Variants in CPED1 observed in about 807,000 individuals in gnomAD.
CPED1 encodes cadherin like and PC-esterase domain containing 1.
Under a neutral mutation model 128.2 loss-of-function variants are expected in CPED1, and 114 were observed. That is an observed-to-expected ratio of 0.89 (90% confidence interval 0.76 to 1.04). The LOEUF (loss-of-function observed/expected upper bound fraction) is 1.04, where lower values mean the gene tolerates loss of function less well. Ranked by LOEUF, CPED1 falls within the 50% of genes least tolerant of loss-of-function variation. CPED1 has a pLI of 0.00. For missense variants in CPED1, 1,211 were observed against 1,207.1 expected, an observed-to-expected ratio of 1.00 and a Z score of -0.05; for synonymous variants, 462 against 426.7, an observed-to-expected ratio of 1.08 and a Z score of -1.02.
chr7:120,998,325 A>C (rs1796444991), intron 2 of CPED1, among the ~76,000 whole-genome samples: 1 of 152,244 alleles, frequency 6.6e-6, no homozygotes, highest in Non-Finnish European at 1.5e-5. Context: ...CATTCAAATT[A>C]ATACCATTTA....
At chr7:121,003,641 T>G (rs142024524) in intron 2 of CPED1, among the ~76,000 whole-genome samples, 305 of 152,250 alleles carry the variant, frequency 2.0e-3, no homozygotes, top group African/African-American at 7.1e-3. Context: ...TGAGGTTTTG[T>G]TATGATACGT....
intron 16 of CPED1, among the ~76,000 whole-genome samples, chr7:121,162,109 T>C (rs1796424215): frequency 6.6e-6 from 1 of 152,186 alleles, no homozygotes; most frequent in Non-Finnish European, 1.5e-5. Context: ...CATAAAGTGT[T>C]GCAAACACAA....
At chr7:121,097,493 T>C (rs1294428191) in intron 5 of CPED1, among the ~76,000 whole-genome samples, 1 of 152,198 alleles carries the variant, frequency 6.6e-6, no homozygotes, top group Non-Finnish European at 1.5e-5. Flanking sequence ...GTTTTCCTCC[T>C]CTGTAGTAAG....
At chr7:121,253,054 A>T (rs917397412) in intron 18 of CPED1, among the ~76,000 whole-genome samples, 1 of 152,124 alleles carries the variant, frequency 6.6e-6, no homozygotes, top group African/African-American at 2.4e-5. Flanking sequence ...AAAGACTTGG[A>T]ACCAAGCCAA....
chr7:121,130,395 A>G (rs1795633035), intron 12 of CPED1, 101 bp downstream of exon 12: 3 of 878,824 alleles, frequency 3.4e-6, no homozygotes, highest in Non-Finnish European at 5.0e-6. Flanking sequence ...AGCAACAACA[A>G]AAAAGTGTGT....
chr7:121,119,779 T>A (rs1341169547), intron 7 of CPED1, among the ~76,000 whole-genome samples: 3 of 152,042 alleles, frequency 2.0e-5, no homozygotes, highest in Non-Finnish European at 4.4e-5. Flanking sequence ...TCTCTAGAAC[T>A]TTTTGCACAA....
intron 16 of CPED1, among the ~76,000 whole-genome samples, chr7:121,221,534 C>T (rs369617572): frequency 3.1e-5 from 4 of 128,106 alleles, no homozygotes; most frequent in Admixed American, 1.6e-4. Flanking sequence ...TTGAGGAATC[C>T]CCACACTGTC....
chr7:121,160,611 T>G (rs962133119), intron 16 of CPED1, among the ~76,000 whole-genome samples: 2 of 152,148 alleles, frequency 1.3e-5, no homozygotes, highest in Admixed American at 1.3e-4. Context: ...GGCCTTGTAC[T>G]GCCAGAAAGG....
At chr7:121,200,588 C>G (rs1196181524) in intron 16 of CPED1, among the ~76,000 whole-genome samples, 4 of 152,012 alleles carry the variant, frequency 2.6e-5, no homozygotes, top group African/African-American at 7.2e-5. Flanking sequence ...GTGTGTACAG[C>G]AGAACTTATT....
chr7:121,088,112 C>T lies in CPED1; in HGVS notation c.617-9587C>T, dbSNP rs950809605. Among the ~76,000 whole-genome samples, 3 of 152,106 alleles carry T rather than the reference C, an allele frequency of 2.0e-5. No individual in the cohort carries two copies. In the East Asian group the frequency reaches 5.8e-4, roughly 29 times the overall value. ...TAAATGACTTCTTATCCATCATTCA[C>T]CTATTCTTAGGCATTTATTTAGCAG... On this transcript the variant is annotated intron_variant, in intron 5 of 22. Coordinates refer to ENST00000310396, the MANE Select transcript of CPED1 (RefSeq NM_024913.5).
chr7:120,990,329 T>C (rs1796289817), intron 2 of CPED1, among the ~76,000 whole-genome samples: 1 of 152,200 alleles, frequency 6.6e-6, no homozygotes, highest in Admixed American at 6.5e-5. Context: ...ACTAGCTAGA[T>C]TGATTCTTAA....
intron 15 of CPED1, among the ~76,000 whole-genome samples, chr7:121,141,251 A>T (rs186824332): frequency 6.6e-6 from 1 of 152,160 alleles, no homozygotes. Context: ...AAGATCCATT[A>T]AGGAAAAATT....
At chr7:121,203,097 T>A (rs1227893179) in intron 16 of CPED1, among the ~76,000 whole-genome samples, 4 of 152,096 alleles carry the variant, frequency 2.6e-5, no homozygotes, top group Admixed American at 2.0e-4. Flanking sequence ...ACATGATACA[T>A]CCTTTCCAAA....
intron 2 of CPED1, among the ~76,000 whole-genome samples, chr7:121,010,813 C>A (rs565653194): frequency 6.6e-6 from 1 of 152,274 alleles, no homozygotes; most frequent in Non-Finnish European, 1.5e-5. Flanking sequence ...TGGAGAGGGA[C>A]ATGCTTTCAA....
chr7:121,062,323 A>G (rs1055333048), intron 4 of CPED1, among the ~76,000 whole-genome samples: 2 of 151,954 alleles, frequency 1.3e-5, no homozygotes, highest in African/African-American at 4.8e-5. Flanking sequence ...CTTTTCACAG[A>G]CTAATTTAGA....
At position 121,133,352 on chromosome 7, in the gene CPED1, GTTAA is replaced by G. The variant is rs367945730; in HGVS notation, c.1578-467_1578-464del. ...TAACTAACCCTTGCTATTCACTACT[GTTAA>G]TTAGAGTTTAAGGGTAGAAGACTTG... On this transcript the variant is annotated intron_variant, in intron 12 of 22. Transcript: ENST00000310396. Among the ~76,000 whole-genome samples the G allele has an allele frequency of 5.6e-3, 847 of 152,196 alleles. 6 individuals are homozygous for G. The highest frequency in any genetic ancestry group is 0.019 in the African/African-American group (783 of 41,554).
intron 21 of CPED1, among the ~76,000 whole-genome samples, chr7:121,267,708 C>T (rs911771728): frequency 3.3e-5 from 5 of 151,944 alleles, no homozygotes; most frequent in African/African-American, 9.7e-5. Flanking sequence ...AAATTAGCCT[C>T]AGCACTAAAT....
intron 22 of CPED1, among the ~76,000 whole-genome samples, chr7:121,277,718 G>A (rs1341436506): frequency 1.3e-5 from 2 of 152,122 alleles, no homozygotes; most frequent in Non-Finnish European, 2.9e-5. Context: ...CACTGTATGT[G>A]TGAGGTCATG....
At chr7:121,129,644 G>A (rs1795613392) in intron 11 of CPED1, among the ~76,000 whole-genome samples, 1 of 151,828 alleles carries the variant, frequency 6.6e-6, no homozygotes, top group Non-Finnish European at 1.5e-5. Flanking sequence ...ATCATAACTT[G>A]AGGAAGAACT....
Sources: allele counts gnomAD v4.1 joint callset (sites outside exome capture counted in the v4.1 genomes callset), GRCh38; gene constraint gnomAD v4.1.1; transcripts MANE v1.5; gene names NCBI Gene and HGNC (gene_info 2026-07-23, HGNC 2026-07-21).